The following CNTN6 variants were observed in gnomAD, a reference collection of about 807,000 sequenced individuals.
CNTN6 encodes the protein contactin 6.
A neutral mutation model predicts 122.8 loss-of-function variants in CNTN6; 137 were observed. The observed-to-expected ratio is 1.12, with a 90% CI of 0.97 to 1.29. The LOEUF (loss-of-function observed/expected upper bound fraction) is 1.29. CNTN6 is among the 50% of genes most tolerant of loss of function. The pLI, the probability that CNTN6 is intolerant of heterozygous loss-of-function variation, is 0.00. For synonymous variants in CNTN6, 570 were observed against 426.0 expected (o/e 1.34, Z -4.16); for missense variants, 1,634 against 1,223.4 (o/e 1.34, Z -5.01).
intron 4 of CNTN6, among the ~76,000 whole-genome samples, chr3:1,271,257 G>A (rs763780139): frequency 6.6e-6 from 1 of 152,148 alleles, no homozygotes; most frequent in Non-Finnish European, 1.5e-5. Flanking sequence ...ATCAATTTCT[G>A]GTGTGACAGC....
chr3:1,336,466 C>G (rs1489431273), intron 11 of CNTN6, among the ~76,000 whole-genome samples: 2 of 152,086 alleles, frequency 1.3e-5, no homozygotes, highest in African/African-American at 4.8e-5. Flanking sequence ...GATTCTACCC[C>G]TTAGCAATTG....
At chr3:1,369,847 T>A (rs1708747996) in intron 12 of CNTN6, among the ~76,000 whole-genome samples, 1 of 144,040 alleles carries the variant, frequency 6.9e-6, no homozygotes, top group South Asian at 2.2e-4. Context: ...CCTGGATATC[T>A]TTTTTTTTTT....
At chr3:1,333,839 T>C (rs1026028462) in intron 11 of CNTN6, among the ~76,000 whole-genome samples, 4 of 152,258 alleles carry the variant, frequency 2.6e-5, no homozygotes, top group Admixed American at 1.3e-4. Context: ...AAGCTTAGAC[T>C]TGGTGCCAAG....
intron 2 of CNTN6, among the ~76,000 whole-genome samples, chr3:1,166,616 C>T (rs996171014): frequency 6.6e-6 from 1 of 152,074 alleles, no homozygotes; most frequent in Non-Finnish European, 1.5e-5. Context: ...ATCAGTAGGG[C>T]TAGGGAGCTC....
intron 4 of CNTN6, among the ~76,000 whole-genome samples, chr3:1,240,784 G>A (rs560070738): frequency 1.3e-5 from 2 of 152,202 alleles, no homozygotes; most frequent in Admixed American, 1.3e-4. Flanking sequence ...CTTTGTGTGA[G>A]CAACATGGCT....
chr3:1,213,880 G>A (rs934023215), intron 2 of CNTN6, among the ~76,000 whole-genome samples: 1 of 151,930 alleles, frequency 6.6e-6, no homozygotes, highest in Non-Finnish European at 1.5e-5. Flanking sequence ...GATACAAAGA[G>A]GTCAGAGTGC....
intron 20 of CNTN6, among the ~76,000 whole-genome samples, chr3:1,390,278 A>C (rs1693917178): frequency 6.6e-6 from 1 of 152,058 alleles, no homozygotes; most frequent in African/African-American, 2.4e-5. Context: ...GCTCAACTAC[A>C]TGGAAACTGA....
At chr3:1,346,509 G>GTC (rs930543491) in intron 11 of CNTN6, among the ~76,000 whole-genome samples, 11 of 152,070 alleles carry the variant, frequency 7.2e-5, no homozygotes, top group African/African-American at 1.9e-4. Flanking sequence ...GGCTTCCTCA[G>GTC]TCTCTCTCTC....
chr3:1,218,001 C>T (rs753273873), intron 2 of CNTN6, among the ~76,000 whole-genome samples: 2 of 152,164 alleles, frequency 1.3e-5, no homozygotes, highest in Non-Finnish European at 2.9e-5. Context: ...GTCCAAATGC[C>T]ATGAATTGGA....
At chr3:1,187,469 C>T (rs1001417311) in intron 2 of CNTN6, among the ~76,000 whole-genome samples, 7 of 152,128 alleles carry the variant, frequency 4.6e-5, no homozygotes, top group Admixed American at 2.0e-4. Context: ...TGGTGTCAGG[C>T]TACAAAGGCT....
chr3:1,377,109 A>G, intron 17 of CNTN6, 34 bp downstream of exon 17: 1 of 1,449,654 alleles, frequency 6.9e-7, no homozygotes, highest in Non-Finnish European at 9.6e-7. Context: ...ATTTTGAAGA[A>G]AAGAGATTTA....
At chr3:1,125,417 G>A (rs557707317) in intron 1 of CNTN6, among the ~76,000 whole-genome samples, 2 of 151,910 alleles carry the variant, frequency 1.3e-5, no homozygotes, top group Admixed American at 1.3e-4. Flanking sequence ...TTACATCAAT[G>A]GGCTTGGAAC....
chr3:1,233,859 C>T (rs1276498322), intron 4 of CNTN6, among the ~76,000 whole-genome samples: 1 of 151,276 alleles, frequency 6.6e-6, no homozygotes, highest in South Asian at 2.1e-4. Context: ...ACTTAGGGGG[C>T]ATCCCAAACC....
At position 1,348,018 on chromosome 3, in the gene CNTN6, A is replaced by G. The variant is rs141906427; in HGVS notation, c.1365-4306A>G. On this transcript the variant is annotated intron_variant, in intron 11 of 22. Transcript: ENST00000446702. ...AGATATGCCTACATTCTTAGGCAGG[A>G]TGAGAAATCAGTTCATTGAAAGCCT... Among the ~76,000 whole-genome samples the G allele has an allele frequency of 7.3e-4, 111 of 152,018 alleles. 1 individual carries two copies. Among genetic ancestry groups the G allele is most frequent in the African/African-American group, 2.6e-3 (107 of 41,470 alleles).
chr3:1,364,463 A>G (rs1223375359), intron 12 of CNTN6, among the ~76,000 whole-genome samples: 5 of 151,800 alleles, frequency 3.3e-5, no homozygotes, highest in African/African-American at 9.7e-5. Context: ...AGCAGTTATT[A>G]TTCTGAAAAG....
intron 2 of CNTN6, among the ~76,000 whole-genome samples, chr3:1,208,789 T>A (rs1327063094): frequency 7.7e-6 from 1 of 130,288 alleles, no homozygotes; most frequent in African/African-American, 3.1e-5. Flanking sequence ...AAGGACCAAA[T>A]AAGATAATTC....
At chr3:1,167,486 AG>A (rs1481765176) in intron 2 of CNTN6, among the ~76,000 whole-genome samples, 2 of 152,208 alleles carry the variant, frequency 1.3e-5, no homozygotes, top group African/African-American at 4.8e-5. Context: ...TTAGCTAGCA[AG>A]CACATATTAA....
chr3:1,295,714 G>C lies in CNTN6; in HGVS notation c.568G>C (p.Asp190His). ...GTACATTGCCAAAGTGGAACCATCA[G>C]ATGTGGGCAACTACACTTGCTTTAT... ...NLYIAKVEPSDVGNYTCFITN... is the reference protein window; with the variant it reads ...NLYIAKVEPSHVGNYTCFITN... The change falls in exon 6 of 23, where the codon GAT becomes CAT. Residue 190 changes from aspartate to histidine, a missense_variant. Transcript: ENST00000446702. 1.9e-6 allele frequency: 3 copies of C among 1,614,092 alleles called. No homozygotes were observed. The highest frequency in any genetic ancestry group is 2.5e-6 in the Non-Finnish European group (3 of 1,179,954).
intron 2 of CNTN6, among the ~76,000 whole-genome samples, chr3:1,157,977 G>A (rs372262649): frequency 3.8e-4 from 58 of 152,234 alleles, no homozygotes; most frequent in African/African-American, 1.3e-3. Context: ...ATATATCTTC[G>A]ATATATTGAT....
Sources: allele counts gnomAD v4.1 joint callset (sites outside exome capture counted in the v4.1 genomes callset), GRCh38; gene constraint gnomAD v4.1.1; transcripts MANE v1.5; gene names NCBI Gene and HGNC (gene_info 2026-07-23, HGNC 2026-07-21).